The following KDM5A variants were observed in gnomAD, a reference collection of about 807,000 sequenced individuals.
KDM5A encodes the protein lysine demethylase 5A, also known as lysine-specific demethylase 5A.
KDM5A carries 42 observed loss-of-function variants against 193.5 expected under a neutral mutation model. The ratio of observed to expected loss-of-function variants is 0.22; its 90% CI spans 0.17 to 0.28. The LOEUF is 0.28. KDM5A is among the 10% of genes least tolerant of loss of function. KDM5A has a pLI of 1.00. For missense variants in KDM5A, 1,692 were observed against 2,055.1 expected, an observed-to-expected ratio of 0.82 and a Z score of 3.42; for synonymous variants, 796 against 718.1, an observed-to-expected ratio of 1.11 and a Z score of -1.73.
In KDM5A at chr12:295,755, A is replaced by G. The variant is rs994498151; in HGVS notation, c.4273T>C (p.Leu1425=). ...GGAGGTTCCAAACTTCGGGGCACCA[A>G]AGGGCTCTTCCGAGGTTGTTTCCTT... is the stretch of plus-strand genomic sequence containing the variant. ...TPRKQPRKSP[L]VPRSLEPPVL... is the part of the protein sequence containing the mutation. Residue 1425 remains leucine (L), a synonymous_variant, in exon 26 of 28, where the codon TTG becomes CTG. Transcript: ENST00000399788. The G allele has an allele frequency of 1.9e-6, 3 of 1,613,980 alleles. No individual in the cohort carries two copies. The highest frequency in any genetic ancestry group is 1.7e-5 in the Admixed American group (1 of 59,988).
intron 19 of KDM5A, among the ~76,000 whole-genome samples, chr12:314,552 G>C (rs577949972): frequency 6.6e-6 from 1 of 152,170 alleles, no homozygotes; most frequent in African/African-American, 2.4e-5. Flanking sequence ...ATGCTCTGTG[G>C]TAAGTGTAAT....
chr12:371,761 T>C (rs1245838408), intron 3 of KDM5A, among the ~76,000 whole-genome samples: 1 of 152,180 alleles, frequency 6.6e-6, no homozygotes, highest in Non-Finnish European at 1.5e-5. Context: ...CTTTAATCCA[T>C]CTTCAATTAA....
Position 307,036 on chromosome 12 carries a change from C to T in KDM5A, c.3984G>A (p.Val1328=). 1 of 1,614,132 alleles carries T rather than the reference C, an allele frequency of 6.2e-7. No individual in the cohort carries two copies. The highest frequency in any genetic ancestry group is 8.5e-7 in the Non-Finnish European group (1 of 1,180,010). The part of the protein sequence containing the change: ...QSAFNRVVSS[V]SSSPRQTMDY... ...CCATTGTTTGTCGAGGAGAAGATGA[C>T]ACACTGCTCACCACCCGGTTAAAAG... The change falls in exon 24 of 28, where the codon GTG becomes GTA. Residue 1328 remains valine, a synonymous_variant. Coordinates refer to ENST00000399788, the MANE Select transcript of KDM5A (RefSeq NM_001042603.3). The surrounding 1 kb of genome is among the most constrained non-coding windows in gnomAD (Gnocchi z 4.3).
chr12:351,540 TA>T (rs1489965891), intron 9 of KDM5A, among the ~76,000 whole-genome samples: 1 of 151,968 alleles, frequency 6.6e-6, no homozygotes, highest in Non-Finnish European at 1.5e-5. Flanking sequence ...TGACAGGGAC[TA>T]AAAAAGCCTA....
chr12:313,275 A>G, intron 19 of KDM5A, 81 bp from the exon 20 acceptor site: 1 of 1,482,420 alleles, frequency 6.7e-7, no homozygotes, highest in Non-Finnish European at 9.4e-7. Context: ...GAGAACTTTC[A>G]TTTACATGAT....
At chr12:364,195 G>A (rs1944323466) in intron 4 of KDM5A, among the ~76,000 whole-genome samples, 1 of 152,184 alleles carries the variant, frequency 6.6e-6, no homozygotes, top group Admixed American at 6.5e-5. Context: ...ACACAGGCCG[G>A]GTGCGGTGGC....
At chr12:357,213 G>A (rs1229210938) in intron 5 of KDM5A, among the ~76,000 whole-genome samples, 1 of 151,888 alleles carries the variant, frequency 6.6e-6, no homozygotes, top group African/African-American at 2.4e-5. Context: ...TTGAGAGGTT[G>A]AGGCAGTGAG....
In KDM5A at chr12:350,655, T is replaced by G; in HGVS notation, c.1274A>C (p.Lys425Thr). 6.2e-7 allele frequency: 1 copy of G among 1,614,120 alleles called. No homozygotes were observed. The highest frequency in any genetic ancestry group is 1.1e-5 in the South Asian group (1 of 91,086). Residue 425 changes from lysine (K) to threonine (T), a missense_variant, in exon 10 of 28, where the codon AAG becomes ACG. Coordinates refer to ENST00000399788, the MANE Select transcript of KDM5A (RefSeq NM_001042603.3). ...TGGCAGAATCTTTCTCCGCCCATCC[T>G]TCACCGGAAATCCACTTCCAAAGTC... ...SKDFGSGFPV[K>T]DGRRKILPEE...
chr12:304,901 G>A (rs779228225), intron 24 of KDM5A, among the ~76,000 whole-genome samples: 21 of 152,154 alleles, frequency 1.4e-4, no homozygotes, highest in African/African-American at 2.7e-4. Flanking sequence ...TAGGGTAAAC[G>A]GGTGATTCCA....
chr12:385,300 TA>T (rs563901073), intron 2 of KDM5A, among the ~76,000 whole-genome samples: 1,596 of 152,036 alleles, frequency 0.01, 15 homozygotes, highest in Non-Finnish European at 0.018. Flanking sequence ...TTCTGTACTC[TA>T]AAAGTTTTCA....
At chr12:306,828 A>C in intron 24 of KDM5A, 118 bp downstream of exon 24, 1 of 1,008,776 alleles carries the variant, frequency 9.9e-7, no homozygotes, top group African/African-American at 1.6e-5. Flanking sequence ...AGAACAGATA[A>C]ATGATTAGTT....
rs767903526 is a variant in KDM5A, at chr12:307,620, C to T, written c.3764G>A (p.Ser1255Asn). The T allele has an allele frequency of 1.9e-6, 3 of 1,614,168 alleles. No individual in the cohort carries two copies. Among genetic ancestry groups the T allele is most frequent in the East Asian group, 2.2e-5 (1 of 44,880 alleles). ...AGCCTGCCGCGCTCTATCTTGCCAACTCATAGCACGTTCTGTCAAACACTG... is the reference window on the plus strand; with the variant it reads ...AGCCTGCCGCGCTCTATCTTGCCAATTCATAGCACGTTCTGTCAAACACTG... ...ALQCLTERAM[S>N]WQDRARQALA... The change falls in exon 23 of 28, where the codon AGT becomes AAT. Residue 1255 changes from serine (S) to asparagine (N), a missense_variant. By Grantham distance (46) the Ser-to-Asn change is conservative (BLOSUM62 1). Around this residue, in one of 11 missense-constraint regions of KDM5A, gnomAD observed 965 missense variants for 1,061.0 expected, o/e 0.91. Transcript: ENST00000399788. The surrounding 1 kb of genome is among the most constrained non-coding windows in gnomAD (Gnocchi z 4.3).
At chr12:373,695 C>A (rs968659151) in intron 3 of KDM5A, among the ~76,000 whole-genome samples, 3 of 152,100 alleles carry the variant, frequency 2.0e-5, no homozygotes, top group African/African-American at 7.2e-5. Flanking sequence ...TAGATCTTTC[C>A]TGCTTTCTCT....
chr12:294,539 A>G (rs1185063134), intron 26 of KDM5A, among the ~76,000 whole-genome samples: 1 of 152,230 alleles, frequency 6.6e-6, no homozygotes, highest in Non-Finnish European at 1.5e-5. Context: ...GGGTAAGATA[A>G]TGAATGTGAA....
At chr12:296,959 G>C (rs1406706680) in intron 25 of KDM5A, 82 bp downstream of exon 25, 1 of 1,382,892 alleles carries the variant, frequency 7.2e-7, no homozygotes, top group Non-Finnish European at 1.0e-6. Context: ...ACTCGAAATG[G>C]AGTCACAGTC....
At chr12:298,362 C>T (rs1210442816) in intron 24 of KDM5A, among the ~76,000 whole-genome samples, 1 of 152,236 alleles carries the variant, frequency 6.6e-6, no homozygotes, top group Non-Finnish European at 1.5e-5. Flanking sequence ...AAGCAGCAAT[C>T]TTTGCTGTTC....
chr12:376,668 C>T (rs921726726), intron 3 of KDM5A, among the ~76,000 whole-genome samples: 12 of 152,202 alleles, frequency 7.9e-5, no homozygotes, highest in African/African-American at 2.9e-4. Context: ...TCTTCTGCGT[C>T]GCTCACGCTG....
chr12:292,674 A>AGTTT, intron 27 of KDM5A, 85 bp downstream of exon 27: 1 of 1,552,140 alleles, frequency 6.4e-7, no homozygotes, highest in African/African-American at 1.4e-5. Flanking sequence ...AACCAAAAAC[A>AGTTT]TACTACACAT....
intron 24 of KDM5A, among the ~76,000 whole-genome samples, chr12:300,789 C>T (rs991707315): frequency 3.3e-5 from 5 of 151,782 alleles, no homozygotes; most frequent in African/African-American, 7.3e-5. Flanking sequence ...GCTAGGCAGA[C>T]TAAAAAGGAG....
Sources: gnomAD v4.1 joint callset for allele counts (sites outside exome capture counted in the v4.1 genomes callset) on GRCh38, gnomAD v4.1.1 for gene constraint, gnomAD v4.1.1 regional missense constraint, Gnocchi (gnomAD v3.1) non-coding constraint, MANE v1.5 for transcripts, NCBI Gene and HGNC (gene_info 2026-07-23, HGNC 2026-07-21) for gene names.